Variants in MACROH2A1 observed in about 807,000 individuals in gnomAD.
MACROH2A1 encodes the protein core histone macro-H2A.1.
Under a neutral mutation model 31.6 loss-of-function variants are expected in MACROH2A1, and 2 were observed. That is an observed-to-expected ratio of 0.06 (90% CI 0.03 to 0.20). The LOEUF is 0.20. Ranked by LOEUF, MACROH2A1 falls within the 10% of genes least tolerant of loss-of-function variation. The probability of loss-of-function intolerance (pLI) is 1.00; values close to 1 mark genes in which losing one functional copy is unlikely to be tolerated. For synonymous variants in MACROH2A1, 169 were observed against 189.6 expected (o/e 0.89, Z 0.89); for missense variants, 230 against 474.0 (o/e 0.49, Z 4.78).
At chr5:135,383,700 G>GGTGTGTGTGTGTGTGTGT (rs61338247) in intron 2 of MACROH2A1, among the ~76,000 whole-genome samples, 1 of 137,150 alleles carries the variant, frequency 7.3e-6, no homozygotes, top group East Asian at 2.1e-4. Flanking sequence ...GATGTGGTGT[G>GGTGTGTGTGTGTGTGTGT]GTGTGTGTGT....
At chr5:135,388,036 A>G (rs1581353411) in intron 2 of MACROH2A1, among the ~76,000 whole-genome samples, 2 of 148,860 alleles carry the variant, frequency 1.3e-5, no homozygotes, top group East Asian at 3.9e-4. Flanking sequence ...CTGTAAACCA[A>G]CATTGATACT....
At chr5:135,387,891 A>G (rs183775715) in intron 2 of MACROH2A1, among the ~76,000 whole-genome samples, 1 of 152,296 alleles carries the variant, frequency 6.6e-6, no homozygotes, top group African/African-American at 2.4e-5. Context: ...ATTGTGTTAG[A>G]AGGCAAGGAA....
chr5:135,358,359 T>TCC (rs1762427505), intron 5 of MACROH2A1: 1 of 985,296 alleles, frequency 1.0e-6, no homozygotes, highest in Non-Finnish European at 1.2e-6. Flanking sequence ...AACATGGAGT[T>TCC]TATTCTGCTA....
At chr5:135,357,386 C>T (rs1344276847) in intron 5 of MACROH2A1, 1 of 152,166 alleles carries the variant, frequency 6.6e-6, no homozygotes, top group African/African-American at 2.4e-5. Context: ...CTCCCTTTCT[C>T]CTCACAGTTC....
intron 4 of MACROH2A1, chr5:135,362,775 T>C (rs1428528604): frequency 1.3e-5 from 2 of 152,244 alleles, no homozygotes; most frequent in African/African-American, 4.8e-5. Context: ...TACTACTTAA[T>C]GCTTTTATAA....
At chr5:135,366,161 T>C (rs1310136857) in intron 4 of MACROH2A1, among the ~76,000 whole-genome samples, 2 of 152,250 alleles carry the variant, frequency 1.3e-5, no homozygotes, top group African/African-American at 4.8e-5. Flanking sequence ...TTCCCAGCCA[T>C]GTGGAACTGT....
intron 8 of MACROH2A1, among the ~76,000 whole-genome samples, chr5:135,336,146 A>G (rs1325920234): frequency 6.6e-6 from 1 of 152,176 alleles, no homozygotes; most frequent in Non-Finnish European, 1.5e-5. Flanking sequence ...TCTCCCTCAC[A>G]TGAGGCACCT....
chr5:135,388,543 C>A (rs76660010), intron 2 of MACROH2A1, among the ~76,000 whole-genome samples: 1,761 of 152,220 alleles, frequency 0.012, 56 homozygotes, highest in Admixed American at 0.065. Context: ...TTAAATAAGA[C>A]TAACAAACTG....
intron 8 of MACROH2A1, among the ~76,000 whole-genome samples, chr5:135,342,412 C>T (rs918125546): frequency 1.3e-5 from 2 of 152,214 alleles, no homozygotes; most frequent in Non-Finnish European, 2.9e-5. Context: ...GACCCCTAAG[C>T]CAGAGTGCAG....
At chr5:135,337,938 C>G in intron 8 of MACROH2A1, 3 of 1,168,502 alleles carry the variant, frequency 2.6e-6, no homozygotes, top group Non-Finnish European at 2.2e-6. Flanking sequence ...TAGGAAGCTA[C>G]AGCCTAAGGA....
At chr5:135,362,220 A>T (rs1430620403) in intron 4 of MACROH2A1, 1 of 152,240 alleles carries the variant, frequency 6.6e-6, no homozygotes, top group Admixed American at 6.5e-5. Flanking sequence ...ATCTTCAGAA[A>T]ATAGACTGGT....
chr5:135,335,161 C>A lies in MACROH2A1; in HGVS notation c.954-20G>T, dbSNP rs1758428500. On this transcript the variant is annotated intron_variant, in intron 8 of 8. Coordinates refer to ENST00000511689, the MANE Select transcript of MACROH2A1 (RefSeq NM_138610.3). ...CCGTTCCTGGAGAAGAGAAGATAAG[C>A]ACTCAGCAACTGGGATGCCACGGGG... The A allele has an allele frequency of 6.2e-7, 1 of 1,608,338 alleles. No homozygotes were observed. Among genetic ancestry groups the A allele is most frequent in the Non-Finnish European group, 8.5e-7 (1 of 1,175,056 alleles).
chr5:135,383,700 G>GGTGTGTGT (rs61338247), intron 2 of MACROH2A1, among the ~76,000 whole-genome samples: 1,862 of 137,152 alleles, frequency 0.014, 15 homozygotes, highest in Admixed American at 0.027. Flanking sequence ...GATGTGGTGT[G>GGTGTGTGT]GTGTGTGTGT....
intron 5 of MACROH2A1, chr5:135,359,830 G>T (rs1762613644): frequency 2.1e-6 from 2 of 956,400 alleles, no homozygotes; most frequent in African/African-American, 3.5e-5. Flanking sequence ...AGAAATATTA[G>T]TTAACTCTCA....
chr5:135,339,191 T>C (rs17168157), intron 8 of MACROH2A1, among the ~76,000 whole-genome samples: 18,902 of 152,262 alleles, frequency 0.12, 1,802 homozygotes, highest in African/African-American at 0.27. Flanking sequence ...GTTGTGTCTG[T>C]AATGCCCTTT....
At chr5:135,345,512 C>A (rs1760694214) in intron 7 of MACROH2A1, 1 of 160,994 alleles carries the variant, frequency 6.2e-6, no homozygotes, top group African/African-American at 2.4e-5. Flanking sequence ...ATTCTCCCCA[C>A]ATCAGATGCC....
chr5:135,358,619 C>G, intron 5 of MACROH2A1: 1 of 984,800 alleles, frequency 1.0e-6, no homozygotes, highest in Non-Finnish European at 1.2e-6. Context: ...ATTTTCCTTC[C>G]AAAAGTCAAG....
intron 8 of MACROH2A1, among the ~76,000 whole-genome samples, chr5:135,342,603 G>C (rs557980608): frequency 6.6e-6 from 1 of 152,204 alleles, no homozygotes; most frequent in Non-Finnish European, 1.5e-5. Flanking sequence ...TGTGTTGGTC[G>C]TGAAGACCTT....
At chr5:135,335,245 G>A (rs1758448188) in intron 8 of MACROH2A1, 104 bp from the exon 9 acceptor site, 8 of 826,310 alleles carry the variant, frequency 9.7e-6, no homozygotes, top group Admixed American at 2.1e-5. Flanking sequence ...CTTGCCTTGT[G>A]TTGGGTCGGT....
Sources: allele counts gnomAD v4.1 joint callset (sites outside exome capture counted in the v4.1 genomes callset), GRCh38; gene constraint gnomAD v4.1.1; transcripts MANE v1.5; gene names NCBI Gene and HGNC (gene_info 2026-07-23, HGNC 2026-07-21).